The following SCUBE2 variants were observed in gnomAD, a reference collection of about 807,000 sequenced individuals.
SCUBE2 encodes the protein signal peptide, CUB and EGF-like domain-containing protein 2.
In SCUBE2, 114 loss-of-function variants were observed where a neutral mutation model predicts 125.9. That is an observed-to-expected ratio of 0.91 (90% CI 0.78 to 1.06). The LOEUF (loss-of-function observed/expected upper bound fraction) is 1.06. Ranked by LOEUF, SCUBE2 falls within the 50% of genes least tolerant of loss-of-function variation. The pLI, the probability that SCUBE2 is intolerant of heterozygous loss-of-function variation, is 0.00. For missense variants in SCUBE2, 1,255 were observed against 1,301.8 expected (o/e 0.96, Z 0.55); for synonymous variants, 459 against 492.9 (o/e 0.93, Z 0.91).
intron 16 of SCUBE2, among the ~76,000 whole-genome samples, chr11:9,043,334 A>G (rs1031869434): frequency 3.3e-5 from 5 of 152,212 alleles, no homozygotes; most frequent in African/African-American, 1.2e-4. Context: ...TAAATAATTT[A>G]TCTTTTAGCT....
At chr11:9,066,083 A>G in intron 6 of SCUBE2, 103 bp from the exon 7 acceptor site, 1 of 773,064 alleles carries the variant, frequency 1.3e-6, no homozygotes, top group Admixed American at 2.2e-5. Flanking sequence ...GAGGAATGAA[A>G]GATATGTGAC....
At chr11:9,057,015 C>T (rs1169274101) in intron 9 of SCUBE2, among the ~76,000 whole-genome samples, 1 of 152,200 alleles carries the variant, frequency 6.6e-6, no homozygotes, top group South Asian at 2.1e-4. Context: ...TAAATTTGTT[C>T]TGTGCAAGTA....
In SCUBE2 at chr11:9,091,192, C is replaced by T. The variant is rs999259018; in HGVS notation, c.133+204G>A. Among the ~76,000 whole-genome samples, 2 of 152,016 alleles carry T rather than the reference C, an allele frequency of 1.3e-5. No homozygotes were observed. The highest frequency in any genetic ancestry group is 4.8e-5 in the African/African-American group (2 of 41,406). ...CCGTCAGCAGCTCCGGGTCCGAGGC[C>T]GGGCCGAAGGACTCAGGGCCCCAGC... On this transcript the variant is annotated intron_variant, in intron 1 of 22. Transcript: ENST00000649792. The surrounding 1 kb of genome is among the most constrained non-coding windows in gnomAD (Gnocchi z 8.5).
chr11:9,086,594 TA>T (rs1325721365), intron 2 of SCUBE2, among the ~76,000 whole-genome samples: 1 of 151,944 alleles, frequency 6.6e-6, no homozygotes, highest in African/African-American at 2.4e-5. Flanking sequence ...GGCTCACGCC[TA>T]TAATCCCAGC....
At chr11:9,052,893 A>C in intron 12 of SCUBE2, 61 bp from the exon 13 acceptor site, 1 of 1,340,464 alleles carries the variant, frequency 7.5e-7, no homozygotes, top group South Asian at 1.3e-5. Flanking sequence ...TCCTGGTAGC[A>C]GCTAAACTGT....
At chr11:9,030,320 C>T in intron 18 of SCUBE2, 1 of 495,506 alleles carries the variant, frequency 2.0e-6, no homozygotes, top group Middle Eastern at 5.6e-4. Flanking sequence ...CAACTCCAGT[C>T]TTCATGCAGA....
At position 9,050,719 on chromosome 11, in the gene SCUBE2, A is replaced by G. The variant is rs1377408317; in HGVS notation, c.1535-9T>C. 2 of 1,602,974 alleles carry G rather than the reference A, an allele frequency of 1.2e-6. No individual in the cohort carries two copies. Among genetic ancestry groups the G allele is most frequent in the Non-Finnish European group, 1.7e-6 (2 of 1,169,724 alleles). On this transcript the variant is annotated splice_polypyrimidine_tract_variant and intron_variant, in intron 13 of 22. Transcript: ENST00000649792. ...CCTGATGGTGGTGACATCTTCAGAA[A>G]GAAACAAGTGAGAGATGTTACCTTC...
At chr11:9,025,164 C>T (rs946767140) in intron 21 of SCUBE2, among the ~76,000 whole-genome samples, 3 of 152,216 alleles carry the variant, frequency 2.0e-5, no homozygotes, top group African/African-American at 7.2e-5. Context: ...AAACAGAAGT[C>T]ATCTGACTTG....
Position 9,025,854 on chromosome 11 carries a change from G to A in SCUBE2, c.2702C>T (p.Ser901Phe), listed in dbSNP as rs905897159. 2 of 1,613,644 alleles carry A rather than the reference G, an allele frequency of 1.2e-6. No individual in the cohort carries two copies. Among genetic ancestry groups the A allele is most frequent in the African/African-American group, 1.3e-5 (1 of 75,042 alleles). ...CGDYLVMRKT[S>F]SSNSVTTYET... ...ATATGTTGTCACAGAATTGGATGAA[G>A]CTGCCAAGGGAAGTTGGAGAAGGGT... Residue 901 changes from serine to phenylalanine, a missense_variant and splice_region_variant, in exon 21 of 23, where the codon TCT becomes TTT. Transcript: ENST00000649792.
intron 7 of SCUBE2, among the ~76,000 whole-genome samples, chr11:9,063,457 G>T (rs776774461): frequency 4.1e-4 from 62 of 152,102 alleles, no homozygotes; most frequent in Admixed American, 3.7e-3. Flanking sequence ...TTCACACAAA[G>T]GATCAAGAAT....
chr11:9,090,628 G>A (rs924549943), intron 1 of SCUBE2, among the ~76,000 whole-genome samples: 2 of 151,838 alleles, frequency 1.3e-5, no homozygotes, highest in Non-Finnish European at 2.9e-5. Flanking sequence ...AGTCTGCCCC[G>A]GGATCGGAGC....
chr11:9,027,456 G>T lies in SCUBE2; in HGVS notation c.2609C>A (p.Pro870Gln), dbSNP rs772567833. The stretch of plus-strand genomic sequence containing the variant: ...GATCAGGATGCGGCGCTTGGGGGGT[G>T]GGTTGATGGTCCACGTACACTCGGT... Reference protein sequence around the residue: ...ANTECTWTINPPPKRRILIVV... With the variant: ...ANTECTWTINQPPKRRILIVV... Residue 870 changes from proline to glutamine, a missense_variant, in exon 20 of 23, where the codon CCA becomes CAA. By Grantham distance (76) the Pro-to-Gln change is moderately conservative. Coordinates refer to ENST00000649792, the MANE Select transcript of SCUBE2 (RefSeq NM_001367977.2). 2 of 1,614,080 alleles carry T rather than the reference G, an allele frequency of 1.2e-6. No individual in the cohort carries two copies. The highest frequency in any genetic ancestry group is 1.1e-5 in the South Asian group (1 of 91,072).
Position 9,045,645 on chromosome 11 carries a change from A to AGCCTTGTCTATGC in SCUBE2, c.2002+1710_2002+1711insGCATAGACAAGGC, listed in dbSNP as rs1857651208. On this transcript the variant is annotated intron_variant, in intron 16 of 22. Transcript: ENST00000649792. Reference sequence around the variant, plus strand: ...CACACACACACACACACACACACACACACACACACAGCCTTGTCTATGCCA... The same window carrying AGCCTTGTCTATGC: ...CACACACACACACACACACACACACAGCCTTGTCTATGCCACACACACAGCCTTGTCTATGCCA... 2.0e-5 allele frequency among the ~76,000 whole-genome samples: 3 copies of AGCCTTGTCTATGC among 150,632 alleles called. No individual in the cohort carries two copies. In the South Asian group the frequency reaches 6.3e-4, roughly 32 times the overall value.
rs1855186522 is a variant in SCUBE2, at chr11:9,020,103, G to GCCTCACCACACCCACCTGGA, written c.*922_*941dup. Reference sequence around the variant, plus strand: ...AAGGAAGGCATACATGACAGGCTGGGCCTCACCACACCCACCTGGACCTCA... The same window carrying GCCTCACCACACCCACCTGGA: ...AAGGAAGGCATACATGACAGGCTGGGCCTCACCACACCCACCTGGACCTCACCACACCCACCTGGACCTCA... On this transcript the variant is annotated 3_prime_UTR_variant, in exon 23 of 23. Transcript: ENST00000649792. 2.0e-5 allele frequency among the ~76,000 whole-genome samples: 3 copies of GCCTCACCACACCCACCTGGA among 152,202 alleles called. No homozygotes were observed.
chr11:9,052,821 C>A lies in SCUBE2; in HGVS notation c.1459G>T (p.Ala487Ser). 1 of 1,536,750 alleles carries A rather than the reference C, an allele frequency of 6.5e-7. No individual in the cohort carries two copies. The highest frequency in any genetic ancestry group is 8.7e-7 in the Non-Finnish European group (1 of 1,146,492). ...GAAGAGCCACAGGTGACAGAGTAGG[C>A]CCCTTGCAGTCCTGACAGACAGAAT... ...GIHLSSGLQG[A>S]YSVTCGSSSP... Residue 487 changes from alanine to serine, a missense_variant, in exon 13 of 23, where the codon GCC becomes TCC. Ala to Ser is a moderately conservative substitution (Grantham distance 99). Around this residue, in one of 3 missense-constraint regions of SCUBE2, gnomAD observed 378 missense variants for 463.1 expected, o/e 0.82. Transcript: ENST00000649792.
rs372828243 is a variant in SCUBE2 at position 9,079,436 on chromosome 11, A to G, written c.330T>C (p.Arg110=). 6.2e-7 allele frequency: 1 copy of G among 1,614,190 alleles called. No homozygotes were observed. Among genetic ancestry groups the G allele is most frequent in the Non-Finnish European group, 8.5e-7 (1 of 1,180,008 alleles). ...HDCLNIPGNY[R]CTCFDGFMLA... ...ACATGAAGCCATCAAAACAAGTGCA[A>G]CGATAATTGCCTGGAATATTCAAAC... is the stretch of plus-strand genomic sequence containing the variant. Residue 110 remains arginine, a synonymous_variant, in exon 3 of 23, where the codon CGT becomes CGC. Transcript: ENST00000649792.
chr11:9,033,564 CT>C, intron 17 of SCUBE2, 61 bp downstream of exon 17: 1 of 1,563,416 alleles, frequency 6.4e-7, no homozygotes, highest in Non-Finnish European at 8.7e-7. Flanking sequence ...CTTGAGATGC[CT>C]TCTGTCTAAA....
At chr11:9,031,056 C>A (rs1037818110) in intron 17 of SCUBE2, 131 bp from the exon 18 acceptor site, 5 of 771,810 alleles carry the variant, frequency 6.5e-6, no homozygotes, top group Middle Eastern at 3.6e-4. Flanking sequence ...AGTCAGAGAG[C>A]ACACAGTCAA....
At position 9,027,441 on chromosome 11, in the gene SCUBE2, C is replaced by G. The variant is rs370883793; in HGVS notation, c.2624G>C (p.Arg875Pro). The change falls in exon 20 of 23, where the codon CGC (arginine) becomes CCC (proline). Residue 875 changes from arginine to proline, a missense_variant. This residue lies in a region of SCUBE2 where 515 missense variants were observed against 515.7 expected (regional missense o/e 1.00). Coordinates refer to ENST00000649792, the MANE Select transcript of SCUBE2 (RefSeq NM_001367977.2). ...TWTINPPPKR[R>P]ILIVVPEIFL... is the part of the protein sequence containing the mutation. ...GATCTCAGGGACCACGATCAGGATG[C>G]GGCGCTTGGGGGGTGGGTTGATGGT... The G allele has an allele frequency of 6.2e-7, 1 of 1,614,004 alleles. No individual in the cohort carries two copies. Among genetic ancestry groups the G allele is most frequent in the Non-Finnish European group, 8.5e-7 (1 of 1,180,000 alleles).
Sources: allele counts gnomAD v4.1 joint callset (sites outside exome capture counted in the v4.1 genomes callset), GRCh38; gene constraint gnomAD v4.1.1; regional missense constraint gnomAD v4.1.1; non-coding constraint Gnocchi (gnomAD v3.1); transcripts MANE v1.5; gene names NCBI Gene and HGNC (gene_info 2026-07-23, HGNC 2026-07-21).